The following WWOX variants were observed in gnomAD, a reference collection of about 807,000 sequenced individuals.
The protein encoded by WWOX is WW domain-containing oxidoreductase.
Under a neutral mutation model 46.2 loss-of-function variants are expected in WWOX, and 69 were observed. That is an observed-to-expected ratio of 1.49 (90% CI 1.23 to 1.82). The LOEUF is 1.82. WWOX is among the 40% of genes most tolerant of loss of function. The probability of loss-of-function intolerance (pLI) is 0.00; values close to 1 mark genes in which losing one functional copy is unlikely to be tolerated. For missense variants in WWOX, 919 were observed against 542.6 expected (o/e 1.69, Z -6.89); for synonymous variants, 359 against 202.6 (o/e 1.77, Z -6.56).
chr16:78,726,360 G>A (rs188409472), intron 8 of WWOX, among the ~76,000 whole-genome samples: 1 of 151,814 alleles, frequency 6.6e-6, no homozygotes, highest in African/African-American at 2.4e-5. Flanking sequence ...CGGGTAGCTG[G>A]GACCACAGGT....
At chr16:79,009,181 G>T (rs2047253607) in intron 8 of WWOX, among the ~76,000 whole-genome samples, 1 of 152,188 alleles carries the variant, frequency 6.6e-6, no homozygotes, top group African/African-American at 2.4e-5. Context: ...TGAGTGATGT[G>T]GAACTGTTTA....
intron 5 of WWOX, among the ~76,000 whole-genome samples, chr16:78,355,277 A>C (rs2081261571): frequency 6.6e-6 from 1 of 151,878 alleles, no homozygotes; most frequent in Non-Finnish European, 1.5e-5. Flanking sequence ...AAGTATGTAT[A>C]CATATACGTA....
chr16:78,547,127 G>GAAAAAAAAAAA lies in WWOX; in HGVS notation c.1056+114397_1056+114407dup, dbSNP rs199726097. Reference sequence around the variant, plus strand: ...TGGGAGAGTGTGAGACCTTGTCTCAGAAAAAAAAAAAAAAAAAAAAAAAAA... The same window carrying GAAAAAAAAAAA: ...TGGGAGAGTGTGAGACCTTGTCTCAGAAAAAAAAAAAAAAAAAAAAAAAAAAAAAAAAAAAA... On this transcript the variant is annotated intron_variant, in intron 8 of 8. Coordinates refer to ENST00000566780, the MANE Select transcript of WWOX (RefSeq NM_016373.4). 7.1e-4 allele frequency among the ~76,000 whole-genome samples: 62 copies of GAAAAAAAAAAA among 87,462 alleles called. 3 individuals carry two copies. The highest frequency in any genetic ancestry group is 5.8e-3 in the Middle Eastern group (1 of 172). The allele number at this position is 87,462 out of a possible 152,430, so 57.4% of individuals were successfully genotyped here. A position where few individuals can be genotyped will look rare whatever the true frequency, so the allele number is the denominator to read the frequency against.
intron 7 of WWOX, among the ~76,000 whole-genome samples, chr16:78,428,335 G>A (rs190726911): frequency 5.9e-5 from 9 of 152,328 alleles, no homozygotes; most frequent in East Asian, 5.8e-4. Context: ...TCAGGAAGCC[G>A]TTTCTGGCTC....
intron 5 of WWOX, among the ~76,000 whole-genome samples, chr16:78,381,651 A>G (rs7186569): frequency 0.77 from 117,877 of 152,100 alleles, 46,616 homozygotes; most frequent in African/African-American, 0.84. Context: ...GGAAGAATGA[A>G]GATTTGGGGA....
chr16:78,696,175 A>G (rs1364068330), intron 8 of WWOX, among the ~76,000 whole-genome samples: 1 of 152,210 alleles, frequency 6.6e-6, no homozygotes, highest in Non-Finnish European at 1.5e-5. Context: ...TAGGGGCTAC[A>G]TTCCTCCGGG....
At chr16:78,672,198 C>A (rs2047480839) in intron 8 of WWOX, among the ~76,000 whole-genome samples, 1 of 152,080 alleles carries the variant, frequency 6.6e-6, no homozygotes. Flanking sequence ...AAGACAAACC[C>A]AAAGGAAATT....
intron 8 of WWOX, among the ~76,000 whole-genome samples, chr16:79,079,671 T>A (rs1308335269): frequency 6.6e-6 from 1 of 152,232 alleles, no homozygotes; most frequent in Non-Finnish European, 1.5e-5. Context: ...CCTTCTTCTG[T>A]GGCATTTCAT....
In WWOX at chr16:78,339,168, T is replaced by G. The variant is rs1159171398; in HGVS notation, c.517-47692T>G. Reference sequence around the variant, plus strand: ...TGATGTTTAAGAAGACAGTTTTTTTTGTTTAAATTGTTATAAATAAGTAAG... The same window carrying G: ...TGATGTTTAAGAAGACAGTTTTTTTGGTTTAAATTGTTATAAATAAGTAAG... On this transcript the variant is annotated intron_variant, in intron 5 of 8. Transcript: ENST00000566780. Among the ~76,000 whole-genome samples, 5 of 120,096 alleles carry G rather than the reference T, an allele frequency of 4.2e-5. 2 individuals carry two copies. The highest frequency in any genetic ancestry group is 4.1e-4 in the Admixed American group (5 of 12,290). The allele number at this position is 120,096 out of a possible 152,430, so 78.8% of individuals were successfully genotyped here.
intron 8 of WWOX, among the ~76,000 whole-genome samples, chr16:79,187,155 A>G (rs1448624204): frequency 6.6e-6 from 1 of 152,180 alleles, no homozygotes; most frequent in African/African-American, 2.4e-5. Flanking sequence ...TCCACCACTT[A>G]CGAATTGAAT....
At chr16:78,713,177 C>A (rs1198234988) in intron 8 of WWOX, among the ~76,000 whole-genome samples, 1 of 144,334 alleles carries the variant, frequency 6.9e-6, no homozygotes, top group East Asian at 2.1e-4. Flanking sequence ...GAGGTTGAGG[C>A]AGGAGGATTG....
chr16:79,010,306 G>C (rs1354321560), intron 8 of WWOX, among the ~76,000 whole-genome samples: 2 of 152,186 alleles, frequency 1.3e-5, no homozygotes, highest in African/African-American at 4.8e-5. Context: ...AGAGTGGCGT[G>C]TGCTGAGGGA....
At chr16:79,026,998 G>C (rs1005449212) in intron 8 of WWOX, among the ~76,000 whole-genome samples, 2 of 151,464 alleles carry the variant, frequency 1.3e-5, no homozygotes, top group African/African-American at 4.9e-5. Context: ...ACACAGTGGA[G>C]TCCAGGTACA....
intron 8 of WWOX, among the ~76,000 whole-genome samples, chr16:78,853,987 A>G (rs2151183378): frequency 6.6e-6 from 1 of 152,318 alleles, no homozygotes; most frequent in East Asian, 1.9e-4. Flanking sequence ...TCGATTAAAA[A>G]ATGAACAGAG....
chr16:78,351,673 T>C (rs1311509226), intron 5 of WWOX, among the ~76,000 whole-genome samples: 1 of 152,190 alleles, frequency 6.6e-6, no homozygotes, highest in Non-Finnish European at 1.5e-5. Context: ...TTGTTAGTTT[T>C]TGAGACAGAG....
intron 8 of WWOX, among the ~76,000 whole-genome samples, chr16:78,588,028 C>G (rs767582222): frequency 1.2e-4 from 18 of 152,208 alleles, no homozygotes; most frequent in Non-Finnish European, 2.2e-4. Context: ...CAATTCAGTT[C>G]AGCATTATGA....
At chr16:78,736,642 G>A (rs1455303821) in intron 8 of WWOX, among the ~76,000 whole-genome samples, 1 of 151,936 alleles carries the variant, frequency 6.6e-6, no homozygotes, top group Admixed American at 6.6e-5. Context: ...CTTTCCCCCA[G>A]GCTACAGTGC....
intron 8 of WWOX, among the ~76,000 whole-genome samples, chr16:79,165,691 A>C (rs1395996578): frequency 6.6e-6 from 1 of 152,248 alleles, no homozygotes; most frequent in South Asian, 2.1e-4. Flanking sequence ...AACCCAGTCC[A>C]TGATTTCTTA....
intron 6 of WWOX, among the ~76,000 whole-genome samples, chr16:78,402,383 G>A (rs542402588): frequency 5.9e-5 from 9 of 152,190 alleles, no homozygotes; most frequent in East Asian, 1.9e-4. Context: ...GTTGTCAGTC[G>A]GATATTTCTG....
Sources: gnomAD v4.1 joint callset for allele counts (sites outside exome capture counted in the v4.1 genomes callset) on GRCh38, gnomAD v4.1.1 for gene constraint, MANE v1.5 for transcripts, NCBI Gene and HGNC (gene_info 2026-07-23, HGNC 2026-07-21) for gene names.